Variants in VRK3 observed in about 807,000 individuals in gnomAD.
VRK3 encodes serine/threonine-protein kinase VRK3.
VRK3 carries 50 observed loss-of-function variants against 60.4 expected under a neutral mutation model. The ratio of observed to expected loss-of-function variants is 0.83; its 90% CI spans 0.66 to 1.05. The LOEUF (loss-of-function observed/expected upper bound fraction) is 1.05. VRK3 is among the 50% of genes least tolerant of loss of function. The pLI is 0.00. For synonymous variants in VRK3, 246 were observed against 227.8 expected, an observed-to-expected ratio of 1.08 and a Z score of -0.72; for missense variants, 549 against 585.3, an observed-to-expected ratio of 0.94 and a Z score of 0.64.
chr19:49,988,424 G>A lies in VRK3; in HGVS notation c.1165C>T (p.Pro389Ser), dbSNP rs759462357. The A allele has an allele frequency of 6.2e-7, 1 of 1,613,542 alleles. No homozygotes were observed. Among genetic ancestry groups the A allele is most frequent in the Non-Finnish European group, 8.5e-7 (1 of 1,179,654 alleles). ...CMLKWLYGFL[P>S]WTNCLPNTED... ...GTGTTGGGAAGGCAATTTGTCCATGGCAGAAACCCGTAGAGCCACTTCAGC... is the reference window on the plus strand; with the variant it reads ...GTGTTGGGAAGGCAATTTGTCCATGACAGAAACCCGTAGAGCCACTTCAGC... The change falls in exon 12 of 15, where the codon CCA (proline) becomes TCA (serine). Residue 389 changes from proline (P) to serine (S), a missense_variant. Pro to Ser is a moderately conservative substitution (Grantham distance 74, BLOSUM62 -1). Transcript: ENST00000316763.
At chr19:50,021,416 C>T (rs777321582) in intron 1 of VRK3, among the ~76,000 whole-genome samples, 3 of 152,162 alleles carry the variant, frequency 2.0e-5, no homozygotes, top group Non-Finnish European at 2.9e-5. Context: ...CTGGCTGGCT[C>T]GCTCAGGATG....
At chr19:50,015,880 C>T (rs1323217647) in intron 3 of VRK3, 144 bp downstream of exon 3, 1 of 1,056,652 alleles carries the variant, frequency 9.5e-7, no homozygotes, top group East Asian at 2.4e-5. Flanking sequence ...TGATGGTAGA[C>T]AGAGGGGTCC....
intron 13 of VRK3, among the ~76,000 whole-genome samples, chr19:49,980,722 T>TAA (rs111476208): frequency 6.9e-6 from 1 of 145,528 alleles, no homozygotes; most frequent in African/African-American, 2.5e-5. Context: ...GTCTTAAAAA[T>TAA]AAAAAAAAAA....
Position 50,009,235 on chromosome 19 carries a change from C to T in VRK3, c.289+1G>A, listed in dbSNP as rs187315326. The T allele has an allele frequency of 8.7e-6, 14 of 1,613,790 alleles. No individual in the cohort carries two copies. The highest frequency in any genetic ancestry group is 1.1e-5 in the Non-Finnish European group (13 of 1,179,792). On this transcript the variant is annotated splice_donor_variant, in intron 4 of 14. Coordinates refer to ENST00000316763, the MANE Select transcript of VRK3 (RefSeq NM_016440.4). LOFTEE classifies it high-confidence loss of function. The stretch of plus-strand genomic sequence containing the variant: ...CAGGCCAGATAGACCTTAACTCTTA[C>T]CTTTGGATCTCTCAGAGGAACTCAG...
In VRK3 at chr19:49,988,459, C is replaced by T. The variant is rs765001977; in HGVS notation, c.1130G>A (p.Gly377Asp). ...PSRRSDLQSL[G>D]YCMLKWLYGF... ...GTAGAGCCACTTCAGCATGCAGTAG[C>T]CCAGGCTCTGGAGGTCGCTGCGGCG... Residue 377 changes from glycine (G) to aspartate (D), a missense_variant, in exon 12 of 15, where the codon GGC (glycine) becomes GAC (aspartate). Coordinates refer to ENST00000316763, the MANE Select transcript of VRK3 (RefSeq NM_016440.4). 6.2e-7 allele frequency: 1 copy of T among 1,613,554 alleles called. No individual in the cohort carries two copies. Among genetic ancestry groups the T allele is most frequent in the Non-Finnish European group, 8.5e-7 (1 of 1,179,746 alleles).
At chr19:50,006,381 A>C (rs114504678) in intron 5 of VRK3, among the ~76,000 whole-genome samples, 7,878 of 151,612 alleles carry the variant, frequency 0.052, 668 homozygotes, top group African/African-American at 0.18. Flanking sequence ...CTCACTGAAT[A>C]ATTTTTTTTT....
intron 14 of VRK3, among the ~76,000 whole-genome samples, 170 bp from the exon 15 acceptor site, chr19:49,976,954 A>C (rs2076340591): frequency 6.6e-6 from 1 of 152,072 alleles, no homozygotes; most frequent in Non-Finnish European, 1.5e-5. Flanking sequence ...TAGGATGAGG[A>C]GGAGGCGGGT....
intron 3 of VRK3, among the ~76,000 whole-genome samples, chr19:50,014,709 G>A (rs545510703): frequency 1.3e-5 from 2 of 152,198 alleles, no homozygotes; most frequent in African/African-American, 4.8e-5. Flanking sequence ...AGGTGTGGAG[G>A]GGCAGCCAGG....
chr19:50,009,340 T>C lies in VRK3; in HGVS notation c.185A>G (p.Lys62Arg). The change falls in exon 4 of 15, where the codon AAA becomes AGA. Residue 62 changes from lysine to arginine, a missense_variant. Transcript: ENST00000316763. The stretch of plus-strand genomic sequence containing the variant: ...GGTGACGGTGCTGGACCATTTCACT[T>C]TCTTAGGAGAGGTTTCAAAACTGGA... ...LNSSFETSPK[K>R]VKWSSTVTSP... is the part of the protein sequence containing the mutation. The C allele has an allele frequency of 6.2e-7, 1 of 1,614,012 alleles. No homozygotes were observed. Among genetic ancestry groups the C allele is most frequent in the Non-Finnish European group, 8.5e-7 (1 of 1,179,982 alleles).
intron 10 of VRK3, among the ~76,000 whole-genome samples, chr19:49,990,930 G>GT (rs2076599974): frequency 1.3e-5 from 2 of 152,028 alleles, no homozygotes; most frequent in African/African-American, 4.8e-5. Flanking sequence ...AACCACATGT[G>GT]TATGCCACTA....
At chr19:50,017,302 C>T (rs927521369) in intron 2 of VRK3, among the ~76,000 whole-genome samples, 18 of 151,902 alleles carry the variant, frequency 1.2e-4, no homozygotes, top group African/African-American at 3.9e-4. Flanking sequence ...TGGCCGGGCA[C>T]GGTGGCTCGT....
At chr19:49,979,406 A>G (rs1397177263) in intron 13 of VRK3, among the ~76,000 whole-genome samples, 164 bp from the exon 14 acceptor site, 2 of 152,140 alleles carry the variant, frequency 1.3e-5, no homozygotes, top group Non-Finnish European at 1.5e-5. Flanking sequence ...GAGGACTTCA[A>G]TTGTTTTTCA....
At chr19:49,996,775 C>G (rs2076711686) in intron 7 of VRK3, among the ~76,000 whole-genome samples, 1 of 151,894 alleles carries the variant, frequency 6.6e-6, no homozygotes, top group Admixed American at 6.6e-5. Context: ...CGCCACCACG[C>G]CTGGCTAATT....
At chr19:49,996,761 C>A (rs956618366) in intron 7 of VRK3, among the ~76,000 whole-genome samples, 4 of 151,906 alleles carry the variant, frequency 2.6e-5, no homozygotes, top group African/African-American at 7.3e-5. Context: ...AGATTACAGG[C>A]ACACGCCACC....
chr19:49,997,150 A>G (rs1269073347), intron 7 of VRK3: 1 of 163,866 alleles, frequency 6.1e-6, no homozygotes, highest in Non-Finnish European at 1.3e-5. Context: ...ACACCCGGCT[A>G]ATTTTTGTAT....
rs546596432 is a variant in VRK3, at chr19:50,007,267, C to T, written c.547+302G>A. Among the ~76,000 whole-genome samples, 5 of 152,282 alleles carry T rather than the reference C, an allele frequency of 3.3e-5. No homozygotes were observed. The South Asian group carries it at 6.2e-4, about 19-fold the overall frequency. On this transcript the variant is annotated intron_variant, in intron 5 of 14. Transcript: ENST00000316763. ...ACATGCAGCCCCTGGGCCTGCACTC[C>T]CACGTGACAATAGCAGGTAGCAGGT...
At chr19:50,006,793 C>T (rs1052218536) in intron 5 of VRK3, among the ~76,000 whole-genome samples, 3 of 152,216 alleles carry the variant, frequency 2.0e-5, no homozygotes, top group African/African-American at 7.2e-5. Flanking sequence ...CAGAAGCACT[C>T]AATATTTATT....
At chr19:49,988,275 C>T in intron 12 of VRK3, 97 bp downstream of exon 12, 4 of 1,510,490 alleles carry the variant, frequency 2.6e-6, no homozygotes, top group Non-Finnish European at 3.6e-6. Context: ...GATGCCACCT[C>T]CCCTTCCCTC....
chr19:50,011,971 CTTT>C (rs36006212), intron 3 of VRK3, among the ~76,000 whole-genome samples: 30 of 139,210 alleles, frequency 2.2e-4, no homozygotes, highest in East Asian at 4.3e-4. Flanking sequence ...CTTGCTCATT[CTTT>C]TTTTTTTTTT....
Sources: allele counts gnomAD v4.1 joint callset (sites outside exome capture counted in the v4.1 genomes callset), GRCh38; gene constraint gnomAD v4.1.1; transcripts MANE v1.5; gene names NCBI Gene and HGNC (gene_info 2026-07-23, HGNC 2026-07-21).